The following PARM1 variants were observed in gnomAD, a reference collection of about 807,000 sequenced individuals.
PARM1 encodes prostate androgen-regulated mucin-like protein 1.
In PARM1, 14 loss-of-function variants were observed where a neutral mutation model predicts 24.6. The observed-to-expected ratio is 0.57, with a 90% confidence interval of 0.38 to 0.89. The LOEUF (loss-of-function observed/expected upper bound fraction) is 0.89, where lower values mean the gene tolerates loss of function less well. PARM1 is among the 40% of genes least tolerant of loss of function. PARM1 has a pLI of 0.00. For missense variants in PARM1, 362 were observed against 380.4 expected (o/e 0.95, Z 0.40); for synonymous variants, 179 against 156.6 (o/e 1.14, Z -1.07).
chr4:74,980,602 T>C (rs959797547), intron 1 of PARM1, among the ~76,000 whole-genome samples: 1 of 152,214 alleles, frequency 6.6e-6, no homozygotes, highest in South Asian at 2.1e-4. Context: ...CACAGAATTA[T>C]AAAAAACTAT....
At chr4:75,043,971 T>C (rs868118572) in intron 3 of PARM1, among the ~76,000 whole-genome samples, 1 of 151,602 alleles carries the variant, frequency 6.6e-6, no homozygotes, top group African/African-American at 2.4e-5. Flanking sequence ...GTCAGCTGAA[T>C]CAGCCTTCAG....
chr4:74,948,679 G>T (rs1721452682), intron 1 of PARM1, among the ~76,000 whole-genome samples: 1 of 152,196 alleles, frequency 6.6e-6, no homozygotes, highest in South Asian at 2.1e-4. Context: ...GGGTCCAGGA[G>T]ATCCAGTTGG....
At chr4:74,996,712 AGATT>A (rs1722581516) in intron 1 of PARM1, among the ~76,000 whole-genome samples, 1 of 152,182 alleles carries the variant, frequency 6.6e-6, no homozygotes, top group African/African-American at 2.4e-5. Context: ...GTTTTTATGT[AGATT>A]GATTGTTTTA....
intron 1 of PARM1, chr4:74,956,242 A>C (rs2109986826): frequency 6.6e-6 from 1 of 152,180 alleles, no homozygotes; most frequent in South Asian, 2.1e-4. Context: ...TGATCTCATT[A>C]CTCCAAGTTT....
At chr4:74,988,786 A>G (rs904623558) in intron 1 of PARM1, among the ~76,000 whole-genome samples, 1 of 152,212 alleles carries the variant, frequency 6.6e-6, no homozygotes, top group Non-Finnish European at 1.5e-5. Context: ...CTAGACCTTA[A>G]AGTCCCAATT....
chr4:75,010,467 C>T (rs1722849464), intron 1 of PARM1, among the ~76,000 whole-genome samples: 1 of 152,096 alleles, frequency 6.6e-6, no homozygotes, highest in Non-Finnish European at 1.5e-5. Context: ...TAGTTACTGC[C>T]ATTGAACTGT....
At chr4:74,960,526 T>A (rs1489406399) in intron 1 of PARM1, among the ~76,000 whole-genome samples, 2 of 151,968 alleles carry the variant, frequency 1.3e-5, no homozygotes, top group Admixed American at 1.3e-4. Context: ...AAGCAACAAT[T>A]AGCATACCCT....
intron 1 of PARM1, 53 bp downstream of exon 1, chr4:74,933,423 C>G (rs1721109460): frequency 6.5e-7 from 1 of 1,526,950 alleles, no homozygotes. Context: ...GCCCCAGTAG[C>G]TAGCGCGTGG....
intron 1 of PARM1, among the ~76,000 whole-genome samples, chr4:75,011,958 C>T (rs1041738240): frequency 4.6e-5 from 7 of 152,148 alleles, no homozygotes; most frequent in Admixed American, 1.3e-4. Flanking sequence ...TGGGATGGAA[C>T]GAGACTGAAG....
intron 1 of PARM1, among the ~76,000 whole-genome samples, chr4:74,935,581 C>T (rs558298225): frequency 6.6e-6 from 1 of 152,300 alleles, no homozygotes; most frequent in South Asian, 2.1e-4. Flanking sequence ...TTTCACCAGG[C>T]CTTGTGTCTT....
Position 75,013,086 on chromosome 4 carries a change from C to T in PARM1, c.705C>T (p.Asp235=). ...VSGKVMCELI[D]METTTTFPRV... The stretch of plus-strand genomic sequence containing the variant: ...GCAAAGTGATGTGTGAGCTCATAGA[C>T]ATGGAGACCACCACCACCTTTCCCA... The change falls in exon 2 of 4, where the codon GAC becomes GAT. Residue 235 remains aspartate, a synonymous_variant. Coordinates refer to ENST00000307428, the MANE Select transcript of PARM1 (RefSeq NM_015393.4). The T allele has an allele frequency of 1.9e-6, 3 of 1,613,986 alleles. No individual in the cohort carries two copies. Among genetic ancestry groups the T allele is most frequent in the Non-Finnish European group, 2.5e-6 (3 of 1,179,870 alleles).
intron 2 of PARM1, among the ~76,000 whole-genome samples, chr4:75,015,467 G>A (rs886783395): frequency 2.0e-5 from 3 of 152,190 alleles, no homozygotes; most frequent in African/African-American, 7.2e-5. Context: ...ACATTTCATA[G>A]ACCAAAGAGT....
At chr4:75,037,432 A>G (rs3775530) in intron 3 of PARM1, among the ~76,000 whole-genome samples, 26,204 of 152,134 alleles carry the variant, frequency 0.17, 4,210 homozygotes, top group African/African-American at 0.43. Context: ...TCTGCTAACA[A>G]TGGGTGGGGA....
chr4:75,044,785 T>C (rs1267045124), intron 3 of PARM1, among the ~76,000 whole-genome samples: 2 of 152,126 alleles, frequency 1.3e-5, no homozygotes, highest in African/African-American at 4.8e-5. Flanking sequence ...TCCATGTGGC[T>C]GGGGAAGCCT....
At chr4:75,001,610 A>T (rs1479930615) in intron 1 of PARM1, among the ~76,000 whole-genome samples, 1 of 152,244 alleles carries the variant, frequency 6.6e-6, no homozygotes, top group Non-Finnish European at 1.5e-5. Flanking sequence ...ATTTTACTGC[A>T]TGCAAGTTGT....
chr4:75,044,495 TC>T lies in PARM1; in HGVS notation c.849-1667del, dbSNP rs561604803. ...TGAGGACTTACTGTGTGTCAGATATTCTTCTGGGTGCTGGAGTTGGAGCTAA... is the reference window on the plus strand; with the variant it reads ...TGAGGACTTACTGTGTGTCAGATATTTTCTGGGTGCTGGAGTTGGAGCTAA... On this transcript the variant is annotated intron_variant, in intron 3 of 3. Transcript: ENST00000307428. 4.1e-3 allele frequency among the ~76,000 whole-genome samples: 630 copies of T among 152,348 alleles called. 4 individuals are homozygous for T. The highest frequency in any genetic ancestry group is 0.014 in the African/African-American group (596 of 41,572).
chr4:74,960,733 A>G (rs976952972), intron 1 of PARM1, among the ~76,000 whole-genome samples: 5 of 152,058 alleles, frequency 3.3e-5, no homozygotes, highest in African/African-American at 1.2e-4. Flanking sequence ...CTTTAAAACA[A>G]TTGTCTTAAA....
At chr4:75,015,842 T>C (rs1722974544) in intron 2 of PARM1, among the ~76,000 whole-genome samples, 1 of 152,218 alleles carries the variant, frequency 6.6e-6, no homozygotes, top group Non-Finnish European at 1.5e-5. Flanking sequence ...TCTGAATTGC[T>C]GCACTCCTCC....
chr4:75,045,292 A>G (rs1723578752), intron 3 of PARM1, among the ~76,000 whole-genome samples: 1 of 152,214 alleles, frequency 6.6e-6, no homozygotes, highest in Non-Finnish European at 1.5e-5. Flanking sequence ...ATGCTTAGAA[A>G]AGTAGCTGGG....
Sources: allele counts gnomAD v4.1 joint callset (sites outside exome capture counted in the v4.1 genomes callset), GRCh38; gene constraint gnomAD v4.1.1; transcripts MANE v1.5; gene names NCBI Gene and HGNC (gene_info 2026-07-23, HGNC 2026-07-21).